The following SEMA6B variants were observed in gnomAD, a reference collection of about 807,000 sequenced individuals.
SEMA6B encodes semaphorin-6B.
Under a neutral mutation model 78.6 loss-of-function variants are expected in SEMA6B, and 47 were observed. That is an observed-to-expected ratio of 0.60 (90% confidence interval 0.47 to 0.76). The LOEUF (loss-of-function observed/expected upper bound fraction) is 0.76. Among genes scored for constraint, SEMA6B ranks in the 30% least tolerant of loss-of-function variants. SEMA6B has a pLI of 0.00. For synonymous variants in SEMA6B, 632 were observed against 592.2 expected (o/e 1.07, Z -0.98); for missense variants, 1,213 against 1,269.9 (o/e 0.96, Z 0.68).
chr19:4,544,546 G>C lies in SEMA6B; in HGVS notation c.1739-17C>G, dbSNP rs1314971679. The C allele has an allele frequency of 3.4e-6, 5 of 1,469,874 alleles. No individual in the cohort carries two copies. Among genetic ancestry groups the C allele is most frequent in the Non-Finnish European group, 4.5e-6 (5 of 1,103,496 alleles). 91.1% of individuals were successfully genotyped at this position (1,469,874 alleles called of 1,614,324 possible). On this transcript the variant is annotated splice_polypyrimidine_tract_variant and intron_variant, in intron 16 of 16. Coordinates refer to ENST00000586582, the MANE Select transcript of SEMA6B (RefSeq NM_032108.4). This position sits in a 1 kb window ranked among gnomAD's most constrained non-coding sequence, Gnocchi z 5.1. ...GCAGGAGTCCTGGCCGGGGAGCACAGGGGGGTTAGTGGGGCCGGCGGGGTG... is the reference window on the plus strand; with the variant it reads ...GCAGGAGTCCTGGCCGGGGAGCACACGGGGGTTAGTGGGGCCGGCGGGGTG...
Position 4,550,317 on chromosome 19 carries a change from A to C in SEMA6B, c.1122-45T>G. On this transcript the variant is annotated intron_variant, in intron 11 of 16. Transcript: ENST00000586582. The surrounding 1 kb of genome is among the most constrained non-coding windows in gnomAD (Gnocchi z 6.6). ...GGTCAGGACGAACGTAAAGGTTCTC[A>C]TAAAGGGGCCTGATTCACCAGAGGT... 6.2e-7 allele frequency: 1 copy of C among 1,604,228 alleles called. No homozygotes were observed. Among genetic ancestry groups the C allele is most frequent in the Non-Finnish European group, 8.5e-7 (1 of 1,172,724 alleles).
At chr19:4,556,158 A>G in intron 5 of SEMA6B, 69 bp from the exon 6 acceptor site, 1 of 1,117,624 alleles carries the variant, frequency 8.9e-7, no homozygotes, top group Non-Finnish European at 1.4e-6. Context: ...CGTGGCCAGA[A>G]CCTGAGTTGT....
intron 14 of SEMA6B, 58 bp from the exon 15 acceptor site, chr19:4,546,527 T>A: frequency 8.2e-7 from 1 of 1,226,088 alleles, no homozygotes; most frequent in Non-Finnish European, 1.1e-6. Flanking sequence ...ACAACCCCAA[T>A]GGTGATGGTG....
At position 4,556,084 on chromosome 19, in the gene SEMA6B, C is replaced by T. The variant is rs1346030881; in HGVS notation, c.375G>A (p.Glu125=). 6.2e-7 allele frequency: 1 copy of T among 1,613,382 alleles called. No homozygotes were observed. The highest frequency in any genetic ancestry group is 1.1e-5 in the South Asian group (1 of 91,074). The stretch of plus-strand genomic sequence containing the variant: ...GCAGCACCTTTACGAAGTTTCGACA[C>T]TCGCCCTGAGGTGGGGACAGGAGGA... The part of the protein sequence containing the change: ...VCRMKGKQEG[E]CRNFVKVLLL... The change falls in exon 6 of 17, where the codon GAG becomes GAA. Residue 125 remains glutamate, a synonymous_variant. Transcript: ENST00000586582.
At chr19:4,548,524 CG>C in intron 12 of SEMA6B, 79 bp from the exon 13 acceptor site, 1 of 1,329,808 alleles carries the variant, frequency 7.5e-7, no homozygotes, top group Non-Finnish European at 1.0e-6. Context: ...CATAGTTACA[CG>C]GGTGCATACA....
Position 4,543,878 on chromosome 19 carries a change from C to T in SEMA6B, c.2390G>A (p.Arg797His), listed in dbSNP as rs1977088675. The T allele has an allele frequency of 1.7e-6, 2 of 1,205,514 alleles. No homozygotes were observed. Among genetic ancestry groups the T allele is most frequent in the Non-Finnish European group, 1.0e-6 (1 of 971,442 alleles). The allele number at this position is 1,205,514 out of a possible 1,614,324, so 74.7% of individuals were successfully genotyped here. ...CGTGGGCGCGGACACCACCCGCCGG[C>T]GGTCCGGGCTGGCGTGGGGGGTGAG... ...FPLTPHASPD[R>H]RRVVSAPTGP... is the part of the protein sequence containing the mutation. The change falls in exon 17 of 17, where the codon CGC (arginine) becomes CAC (histidine). Residue 797 changes from arginine (R) to histidine (H), a missense_variant. Physicochemically the swap from Arg to His is conservative, Grantham distance 29. Coordinates refer to ENST00000586582, the MANE Select transcript of SEMA6B (RefSeq NM_032108.4).
At position 4,552,143 on chromosome 19, in the gene SEMA6B, C is replaced by T. The variant is rs1599779334; in HGVS notation, c.989+279G>A. ...CACCCTTCCCTCTTCCTCCATCTCA[C>T]ACCCAAAGTCCAGCTCCAATGTCCC... On this transcript the variant is annotated intron_variant, in intron 10 of 16. Transcript: ENST00000586582. This position sits in a 1 kb window ranked among gnomAD's most constrained non-coding sequence, Gnocchi z 7.4. Among the ~76,000 whole-genome samples the T allele has an allele frequency of 6.6e-6, 1 of 152,208 alleles. No individual in the cohort carries two copies. Among genetic ancestry groups the T allele is most frequent in the South Asian group, 2.1e-4 (1 of 4,834 alleles).
rs1977102188 is a variant in SEMA6B, at chr19:4,544,215, T to TCAGGGGCGCCAG, written c.2041_2052dup (p.Leu681_Leu684dup). 7.8e-7 allele frequency: 1 copy of TCAGGGGCGCCAG among 1,274,706 alleles called. No homozygotes were observed. The highest frequency in any genetic ancestry group is 1.6e-5 in the African/African-American group (1 of 63,998). The allele number at this position is 1,274,706 out of a possible 1,614,324, so 79.0% of individuals were successfully genotyped here. On this transcript the variant is annotated inframe_insertion, in exon 17 of 17. Coordinates refer to ENST00000586582, the MANE Select transcript of SEMA6B (RefSeq NM_032108.4). This position sits in a 1 kb window ranked among gnomAD's most constrained non-coding sequence, Gnocchi z 5.1. ...GTGGCCTTGGCCCAGCCGTTCTGCA[T>TCAGGGGCGCCAG]CAGGGGCGCCAGCAGGGCCTCCGGG...
chr19:4,551,422 G>T (rs1170024450), intron 10 of SEMA6B, among the ~76,000 whole-genome samples: 1 of 151,684 alleles, frequency 6.6e-6, no homozygotes, highest in East Asian at 2.0e-4. Context: ...GTTTCACCAT[G>T]TTGGCCAGGC....
chr19:4,543,184 A>G lies in SEMA6B; in HGVS notation c.*417T>C, dbSNP rs1324814102. 6.9e-6 allele frequency: 4 copies of G among 582,688 alleles called. No individual in the cohort carries two copies. Among genetic ancestry groups the G allele is most frequent in the Non-Finnish European group, 1.2e-5 (4 of 326,534 alleles). The allele number at this position is 582,688 out of a possible 1,614,324, so 36.1% of individuals were successfully genotyped here. On this transcript the variant is annotated 3_prime_UTR_variant, in exon 17 of 17. Transcript: ENST00000586582. ...GCCTGGGTTGGGGAGGGACCTTTCC[A>G]GGGGTGGGGGAGGGCTTAGGTCTGC...
rs917881171 is a variant in SEMA6B at position 4,558,684 on chromosome 19, G to A, written c.-32-195C>T. On this transcript the variant is annotated intron_variant, in intron 1 of 16. Transcript: ENST00000586582. The surrounding 1 kb of genome is among the most constrained non-coding windows in gnomAD (Gnocchi z 5.1). ...ATTATCAGAACAACTTTATGGCCAC[G>A]TGTGCGTGAAAGCCCAGGAAACGAC... is the stretch of plus-strand genomic sequence containing the variant. Among the ~76,000 whole-genome samples the A allele has an allele frequency of 6.6e-6, 1 of 152,116 alleles. No homozygotes were observed. Among genetic ancestry groups the A allele is most frequent in the African/African-American group, 2.4e-5 (1 of 41,410 alleles).
chr19:4,558,541 CAAGACGGCGG>C lies in SEMA6B; in HGVS notation c.-32-62_-32-53del, dbSNP rs1977538550. Reference sequence around the variant, plus strand: ...CGGCCTGCAGTCCCGCTCGTGGCCACAAGACGGCGGGCGAGAGCAGCAGACGCTCCTTCAA... The same window carrying C: ...CGGCCTGCAGTCCCGCTCGTGGCCACGCGAGAGCAGCAGACGCTCCTTCAA... On this transcript the variant is annotated intron_variant, in intron 1 of 16. Transcript: ENST00000586582. This position sits in a 1 kb window ranked among gnomAD's most constrained non-coding sequence, Gnocchi z 5.1. 8.4e-7 allele frequency: 1 copy of C among 1,187,788 alleles called. No homozygotes were observed. 73.6% of individuals were successfully genotyped at this position (1,187,788 alleles called of 1,614,324 possible).
intron 4 of SEMA6B, 71 bp from the exon 5 acceptor site, chr19:4,557,084 C>G: frequency 6.3e-7 from 1 of 1,586,636 alleles, no homozygotes. Context: ...CGTGCTGGGC[C>G]GAATCCACCC....
At position 4,543,169 on chromosome 19, in the gene SEMA6B, G is replaced by C. The variant is rs1206151501; in HGVS notation, c.*432C>G. The C allele has an allele frequency of 1.7e-6, 1 of 596,632 alleles. No individual in the cohort carries two copies. Among genetic ancestry groups the C allele is most frequent in the Non-Finnish European group, 3.0e-6 (1 of 333,704 alleles). The allele number at this position is 596,632 out of a possible 1,614,324, so 37.0% of individuals were successfully genotyped here. ...CCACACACGCCAGGGGCCTGGGTTG[G>C]GGAGGGACCTTTCCAGGGGTGGGGG... On this transcript the variant is annotated 3_prime_UTR_variant, in exon 17 of 17. Coordinates refer to ENST00000586582, the MANE Select transcript of SEMA6B (RefSeq NM_032108.4).
intron 10 of SEMA6B, 149 bp from the exon 11 acceptor site, chr19:4,551,079 T>C: frequency 2.3e-6 from 2 of 861,098 alleles, no homozygotes; most frequent in South Asian, 1.7e-5. Flanking sequence ...ATCTGTCGAA[T>C]GCAGCCACTC....
At chr19:4,549,764 C>G (rs1977272085) in intron 12 of SEMA6B, among the ~76,000 whole-genome samples, 1 of 152,096 alleles carries the variant, frequency 6.6e-6, no homozygotes, top group East Asian at 1.9e-4. Flanking sequence ...AGGCGTGAGC[C>G]ACCATGCCCG....
chr19:4,546,073 C>T (rs749261061), intron 16 of SEMA6B, 143 bp downstream of exon 16: 75 of 878,492 alleles, frequency 8.5e-5, no homozygotes, highest in Admixed American at 1.4e-4. Context: ...GCCCGGCCCA[C>T]CCCATGCCTT....
In SEMA6B at chr19:4,556,042, G is replaced by C; in HGVS notation, c.417C>G (p.Ser139=). ...FVKVLLLRDE[S]TLFVCGSNAF... ...CGTTGGAACCGCACACAAAGAGCGT[G>C]GACTCGTCCCGAAGGAGCAGCACCT... Residue 139 remains serine, a synonymous_variant, in exon 6 of 17, where the codon TCC becomes TCG. Coordinates refer to ENST00000586582, the MANE Select transcript of SEMA6B (RefSeq NM_032108.4). 1 of 1,614,142 alleles carries C rather than the reference G, an allele frequency of 6.2e-7. No homozygotes were observed. Among genetic ancestry groups the C allele is most frequent in the Non-Finnish European group, 8.5e-7 (1 of 1,180,014 alleles).
intron 8 of SEMA6B, 113 bp downstream of exon 8, chr19:4,554,863 G>C: frequency 4.6e-6 from 6 of 1,293,304 alleles, no homozygotes; most frequent in Non-Finnish European, 6.4e-6. Flanking sequence ...CAAAGATGTG[G>C]TGGAAATCTC....
Sources: allele counts gnomAD v4.1 joint callset (sites outside exome capture counted in the v4.1 genomes callset), GRCh38; gene constraint gnomAD v4.1.1; non-coding constraint Gnocchi (gnomAD v3.1); transcripts MANE v1.5; gene names NCBI Gene and HGNC (gene_info 2026-07-23, HGNC 2026-07-21).